ADHFE1: variants seen among roughly 807,000 people sequenced by gnomAD.
ADHFE1 encodes alcohol dehydrogenase iron containing 1.
A neutral mutation model predicts 54.8 loss-of-function variants in ADHFE1; 37 were observed. The observed-to-expected ratio is 0.68, with a 90% CI of 0.52 to 0.89. The LOEUF (loss-of-function observed/expected upper bound fraction) is 0.89, where lower values mean the gene tolerates loss of function less well. Ranked by LOEUF, ADHFE1 falls within the 40% of genes least tolerant of loss-of-function variation. The pLI is 0.00. For missense variants in ADHFE1, 601 were observed against 591.2 expected, an observed-to-expected ratio of 1.02 and a Z score of -0.17; for synonymous variants, 203 against 229.3, an observed-to-expected ratio of 0.89 and a Z score of 1.04.
intron 7 of ADHFE1, among the ~76,000 whole-genome samples, chr8:66,447,894 A>C (rs964371304): frequency 6.6e-5 from 10 of 152,226 alleles, no homozygotes; most frequent in African/African-American, 2.4e-4. Flanking sequence ...TTACATTTTA[A>C]ATCAATTTTA....
rs1008450615 is a variant in ADHFE1 at position 66,449,060 on chromosome 8, G to A, written c.734+90G>A. ...TCAACGCACATGCTAAGTATTCATT[G>A]ATTAGCACCCCACAACATCCCTAGC... is the stretch of plus-strand genomic sequence containing the variant. On this transcript the variant is annotated intron_variant, in intron 8 of 13. Coordinates refer to ENST00000396623, the MANE Select transcript of ADHFE1 (RefSeq NM_144650.3). The A allele has an allele frequency of 3.6e-6, 4 of 1,108,582 alleles. No homozygotes were observed. The African/African-American group carries it at 6.2e-5, about 17-fold the overall frequency. The allele number at this position is 1,108,582 out of a possible 1,614,324, so 68.7% of individuals were successfully genotyped here.
chr8:66,458,636 G>T (rs1298001903), intron 12 of ADHFE1, among the ~76,000 whole-genome samples: 1 of 152,194 alleles, frequency 6.6e-6, no homozygotes, highest in African/African-American at 2.4e-5. Context: ...ACTGAGAAGG[G>T]AGTTCCTCTG....
At chr8:66,462,105 C>T (rs190380863) in intron 13 of ADHFE1, among the ~76,000 whole-genome samples, 24 of 152,340 alleles carry the variant, frequency 1.6e-4, no homozygotes, top group Middle Eastern at 3.4e-3. Flanking sequence ...ACATGTTAAA[C>T]GAACACATAC....
rs116029466 is a variant in ADHFE1 at position 66,432,743 on chromosome 8, A to G, written c.59+168A>G. 1,957 of 1,231,840 alleles carry G rather than the reference A, an allele frequency of 1.6e-3. 25 individuals are homozygous for G. In the African/African-American group the frequency reaches 0.027, roughly 17 times the overall value. The allele number at this position is 1,231,840 out of a possible 1,614,324, so 76.3% of individuals were successfully genotyped here. A position where few individuals can be genotyped will look rare whatever the true frequency, so the allele number is the denominator to read the frequency against. ...GCGCGCCAGGCGGAACAGCGAGGTC[A>G]CAGAGTGCGCGATGCAGCCTCTCAG... On this transcript the variant is annotated intron_variant, in intron 1 of 13. Transcript: ENST00000396623.
chr8:66,444,824 G>A, intron 5 of ADHFE1, 76 bp downstream of exon 5: 1 of 1,563,564 alleles, frequency 6.4e-7, no homozygotes, highest in East Asian at 2.2e-5. Context: ...CCCCCAACCA[G>A]GCGTGGTGGC....
At chr8:66,455,486 G>A (rs1806533290) in intron 10 of ADHFE1, among the ~76,000 whole-genome samples, 1 of 152,220 alleles carries the variant, frequency 6.6e-6, no homozygotes, top group South Asian at 2.1e-4. Flanking sequence ...GGAATGATCA[G>A]CCTCTGATGA....
intron 12 of ADHFE1, 93 bp from the exon 13 acceptor site, chr8:66,460,215 G>A (rs1351353286): frequency 6.7e-7 from 1 of 1,492,850 alleles, no homozygotes; most frequent in African/African-American, 1.4e-5. Context: ...GACCCCGTGG[G>A]TGTGCATGGT....
At chr8:66,460,509 C>T (rs117299264) in intron 13 of ADHFE1, 44 bp downstream of exon 13, 18,517 of 1,521,226 alleles carry the variant, frequency 0.012, 145 homozygotes, top group Non-Finnish European at 0.014. Context: ...AGGAGCCTAG[C>T]GCCTCCAGAA....
At chr8:66,444,788 A>G in intron 5 of ADHFE1, 40 bp downstream of exon 5, 2 of 1,610,194 alleles carry the variant, frequency 1.2e-6, no homozygotes, top group Admixed American at 1.7e-5. Flanking sequence ...TACTTTAAGC[A>G]GAAGCTAACT....
chr8:66,432,604 G>A, intron 1 of ADHFE1, 29 bp downstream of exon 1: 1 of 1,289,124 alleles, frequency 7.8e-7, no homozygotes, highest in Non-Finnish European at 9.9e-7. Flanking sequence ...GGCGGGCAGG[G>A]GACCGCAGGG....
intron 9 of ADHFE1, among the ~76,000 whole-genome samples, chr8:66,452,715 A>G (rs1563491857): frequency 2.0e-5 from 3 of 152,226 alleles, no homozygotes; most frequent in Non-Finnish European, 4.4e-5. Context: ...AAGGCAGAAA[A>G]TGTAAAAAGA....
chr8:66,460,342 A>C lies in ADHFE1; in HGVS notation c.1197A>C (p.Ala399=). Residue 399 remains alanine, a synonymous_variant, in exon 13 of 14, where the codon GCA becomes GCC. Coordinates refer to ENST00000396623, the MANE Select transcript of ADHFE1 (RefSeq NM_144650.3). The part of the protein sequence containing the change: ...ADTRTARIQD[A]GLVLADTLRK... ...CCCGCACTGCCAGGATCCAAGATGC[A>C]GGGCTGGTGTTGGCAGACACGCTCC... 1 of 1,614,164 alleles carries C rather than the reference A, an allele frequency of 6.2e-7. No individual in the cohort carries two copies. Among genetic ancestry groups the C allele is most frequent in the Non-Finnish European group, 8.5e-7 (1 of 1,180,004 alleles).
chr8:66,466,434 T>G (rs569943386), intron 13 of ADHFE1, among the ~76,000 whole-genome samples: 11 of 152,246 alleles, frequency 7.2e-5, no homozygotes, highest in African/African-American at 2.4e-4. Context: ...CTAAAGATTT[T>G]TCCCTAATTA....
intron 6 of ADHFE1, among the ~76,000 whole-genome samples, chr8:66,446,120 C>G (rs954420859): frequency 1.3e-5 from 2 of 152,172 alleles, no homozygotes; most frequent in South Asian, 4.1e-4. Flanking sequence ...CTCTCCTGCC[C>G]TATTGTGAAG....
At chr8:66,466,556 A>T (rs201296268) in intron 13 of ADHFE1, among the ~76,000 whole-genome samples, 1 of 151,638 alleles carries the variant, frequency 6.6e-6, no homozygotes, top group African/African-American at 2.4e-5. Context: ...CAGACAAAAC[A>T]AATACCTACT....
At chr8:66,437,411 G>T (rs1018717438) in intron 1 of ADHFE1, among the ~76,000 whole-genome samples, 1 of 151,964 alleles carries the variant, frequency 6.6e-6, no homozygotes, top group African/African-American at 2.4e-5. Context: ...AGAATAAGGG[G>T]GCCAGAGCCA....
intron 1 of ADHFE1, among the ~76,000 whole-genome samples, chr8:66,437,099 A>G (rs368907960): frequency 1.3e-4 from 20 of 152,306 alleles, no homozygotes; most frequent in African/African-American, 4.6e-4. Flanking sequence ...AAGAATGGCT[A>G]TAGCCCGCTG....
chr8:66,460,694 T>G (rs60867279), intron 13 of ADHFE1, among the ~76,000 whole-genome samples: 1 of 152,282 alleles, frequency 6.6e-6, no homozygotes, highest in East Asian at 1.9e-4. Flanking sequence ...TTATGAAAAT[T>G]TTCATGAAGG....
chr8:66,441,971 C>CAA (rs1342780853), intron 2 of ADHFE1, among the ~76,000 whole-genome samples: 1 of 116,406 alleles, frequency 8.6e-6, no homozygotes. Flanking sequence ...AACTCCATCT[C>CAA]AAAAAAAAAA....
Sources: gnomAD v4.1 joint callset for allele counts (sites outside exome capture counted in the v4.1 genomes callset) on GRCh38, gnomAD v4.1.1 for gene constraint, MANE v1.5 for transcripts, NCBI Gene and HGNC (gene_info 2026-07-23, HGNC 2026-07-21) for gene names.